The following CNGB3 variants were observed in gnomAD, a reference collection of about 807,000 sequenced individuals.
The protein encoded by CNGB3 is cyclic nucleotide-gated channel beta-3.
CNGB3 carries 86 observed loss-of-function variants against 92.8 expected under a neutral mutation model. The observed-to-expected ratio is 0.93, with a 90% CI of 0.78 to 1.11. The LOEUF (loss-of-function observed/expected upper bound fraction) is 1.11, where lower values mean the gene tolerates loss of function less well. Among genes scored for constraint, CNGB3 ranks in the 50% least tolerant of loss-of-function variants. The pLI is 0.00. For synonymous variants in CNGB3, 333 were observed against 332.7 expected (o/e 1.00, Z -0.01); for missense variants, 1,026 against 956.8 (o/e 1.07, Z -0.95).
At chr8:86,632,235 TAAGTGCC>T (rs1822977497) in intron 11 of CNGB3, among the ~76,000 whole-genome samples, 1 of 151,524 alleles carries the variant, frequency 6.6e-6, no homozygotes, top group Admixed American at 6.6e-5. Context: ...CTATCCTTTG[TAAGTGCC>T]AACTATCTTC....
intron 3 of CNGB3, among the ~76,000 whole-genome samples, chr8:86,718,276 T>A (rs540714752): frequency 6.1e-4 from 93 of 152,198 alleles, no homozygotes; most frequent in African/African-American, 2.2e-3. Context: ...ATTAGTGAGA[T>A]GAACCAAGAA....
At chr8:86,670,389 G>C (rs73273332) in intron 4 of CNGB3, among the ~76,000 whole-genome samples, 10,876 of 152,166 alleles carry the variant, frequency 0.071, 1,264 homozygotes, top group African/African-American at 0.24. Context: ...CCTGTAGGAG[G>C]CTTCCCTGCA....
At chr8:86,676,966 AAATCAGAACAGTATG>A (rs1823983584) in intron 3 of CNGB3, among the ~76,000 whole-genome samples, 1 of 152,216 alleles carries the variant, frequency 6.6e-6, no homozygotes, top group African/African-American at 2.4e-5. Context: ...GATGATGAAT[AAATCAGAACAGTATG>A]AATTTTTTTT....
At chr8:86,588,651 C>T (rs1247683798) in intron 15 of CNGB3, among the ~76,000 whole-genome samples, 187 of 149,188 alleles carry the variant, frequency 1.3e-3, no homozygotes, top group African/African-American at 4.6e-3. Flanking sequence ...TATTGATTTG[C>T]ATATATTGAA....
chr8:86,632,339 A>G (rs141026976), intron 11 of CNGB3, among the ~76,000 whole-genome samples: 1 of 152,298 alleles, frequency 6.6e-6, no homozygotes, highest in East Asian at 1.9e-4. Context: ...ACATTTGTGA[A>G]ACAATAACTT....
In CNGB3 at chr8:86,726,568, G is replaced by A. The variant is rs1554618404; in HGVS notation, c.301C>T (p.Gln101Ter). 1.2e-6 allele frequency: 2 copies of A among 1,613,754 alleles called. No homozygotes were observed. The highest frequency in any genetic ancestry group is 1.7e-6 in the Non-Finnish European group (2 of 1,179,784). ...TCTTTCCCGGGGTCCATTTCCTTCTGCTCTGGCACTGTTCCAGTTGGTTCT... is the reference window on the plus strand; with the variant it reads ...TCTTTCCCGGGGTCCATTTCCTTCTACTCTGGCACTGTTCCAGTTGGTTCT... ...AAEPTGTVPE[Q>*]KEMDPGKEGP... Residue 101 changes from glutamine (Q) to a stop codon, truncating the protein, a stop_gained, in exon 3 of 18, where the codon CAG (glutamine) becomes TAG (stop). Coordinates refer to ENST00000320005, the MANE Select transcript of CNGB3 (RefSeq NM_019098.5). LOFTEE classifies it high-confidence loss of function.
At chr8:86,640,462 C>A (rs1823159620) in intron 10 of CNGB3, among the ~76,000 whole-genome samples, 1 of 152,004 alleles carries the variant, frequency 6.6e-6, no homozygotes, top group Admixed American at 6.6e-5. Flanking sequence ...CCCAAACTAG[C>A]CAGTTTTATC....
At chr8:86,713,941 C>A (rs1824797968) in intron 3 of CNGB3, among the ~76,000 whole-genome samples, 1 of 152,130 alleles carries the variant, frequency 6.6e-6, no homozygotes, top group African/African-American at 2.4e-5. Context: ...TGATCCCACC[C>A]TTGCATAACC....
chr8:86,644,970 T>G (rs938209886), intron 8 of CNGB3, among the ~76,000 whole-genome samples: 11 of 151,146 alleles, frequency 7.3e-5, no homozygotes, highest in African/African-American at 2.7e-4. Flanking sequence ...TTGTTTTCCT[T>G]TTTGTTTTGA....
At chr8:86,672,256 G>A (rs1422095648) in intron 3 of CNGB3, among the ~76,000 whole-genome samples, 6 of 152,038 alleles carry the variant, frequency 3.9e-5, no homozygotes, top group South Asian at 2.1e-4. Context: ...ATGCCACCAC[G>A]CCTAGCTAAT....
At position 86,579,167 on chromosome 8, in the gene CNGB3, T is replaced by C; in HGVS notation, c.1867A>G (p.Thr623Ala). Residue 623 changes from threonine (T) to alanine (A), a missense_variant, in exon 16 of 18, where the codon ACC (threonine) becomes GCC (alanine). Physicochemically the swap from Thr to Ala is moderately conservative, Grantham distance 58. Transcript: ENST00000320005. ...FANLLTLDKK[T>A]LQEILVHYPD... ...TAATGCACTAGAATTTCTTGGAGGG[T>C]CTTTTTGTCTAGAGTTAAAAGATTG... is the stretch of plus-strand genomic sequence containing the variant. 1 of 1,614,154 alleles carries C rather than the reference T, an allele frequency of 6.2e-7. No individual in the cohort carries two copies. Among genetic ancestry groups the C allele is most frequent in the Non-Finnish European group, 8.5e-7 (1 of 1,180,036 alleles).
chr8:86,575,686 T>G lies in CNGB3; in HGVS notation c.*118A>C. ...TAAGTCCTAGAAACTAAGCTAGGGA[T>G]TTGCCTTTCGTTTCTCAAGGGTCCC... is the stretch of plus-strand genomic sequence containing the variant. On this transcript the variant is annotated 3_prime_UTR_variant, in exon 18 of 18. Transcript: ENST00000320005. 1.3e-6 allele frequency: 1 copy of G among 798,646 alleles called. No individual in the cohort carries two copies. Among genetic ancestry groups the G allele is most frequent in the Non-Finnish European group, 2.0e-6 (1 of 492,698 alleles). The allele number at this position is 798,646 out of a possible 1,614,324, so 49.5% of individuals were successfully genotyped here. A position where few individuals can be genotyped will look rare whatever the true frequency, so the allele number is the denominator to read the frequency against.
intron 3 of CNGB3, chr8:86,704,365 T>G (rs1436183792): frequency 6.6e-6 from 1 of 152,130 alleles, no homozygotes; most frequent in Non-Finnish European, 1.5e-5. Context: ...CAGGGATAAG[T>G]GGTACCACAG....
chr8:86,660,513 C>T (rs939956980), intron 6 of CNGB3: 1 of 532,248 alleles, frequency 1.9e-6, no homozygotes, highest in East Asian at 5.4e-5. Flanking sequence ...GCAGCATGTC[C>T]AGAGGGACGA....
chr8:86,606,008 A>G (rs1157633265), intron 14 of CNGB3, among the ~76,000 whole-genome samples: 2 of 152,216 alleles, frequency 1.3e-5, no homozygotes, highest in African/African-American at 4.8e-5. Flanking sequence ...TGGCTTAGCC[A>G]ATTAGCTAAA....
At chr8:86,729,116 G>T (rs1404660725) in intron 2 of CNGB3, among the ~76,000 whole-genome samples, 1 of 152,106 alleles carries the variant, frequency 6.6e-6, no homozygotes, top group Non-Finnish European at 1.5e-5. Context: ...TTGCCATGTT[G>T]TGCAGGCTGG....
In CNGB3 at chr8:86,576,073, T is replaced by G; in HGVS notation, c.2161A>C (p.Lys721Gln). ...TCTTTTTGTTTATCTTCATTTTCTT[T>G]TTGTTTATCTTCATTTTCTTTTCCT... ...EEGKENEDKQ[K>Q]ENEDKQKENE... is the part of the protein sequence containing the mutation. The change falls in exon 18 of 18, where the codon AAA (lysine) becomes CAA (glutamine). Residue 721 changes from lysine (K) to glutamine (Q), a missense_variant. Physicochemically the swap from Lys to Gln is moderately conservative, Grantham distance 53. Coordinates refer to ENST00000320005, the MANE Select transcript of CNGB3 (RefSeq NM_019098.5). 1 of 1,602,848 alleles carries G rather than the reference T, an allele frequency of 6.2e-7. No individual in the cohort carries two copies. Among genetic ancestry groups the G allele is most frequent in the South Asian group, 1.1e-5 (1 of 88,774 alleles).
In CNGB3 at chr8:86,654,050, C is replaced by T. The variant is rs778936684; in HGVS notation, c.865G>A (p.Glu289Lys). 1.3e-6 allele frequency: 2 copies of T among 1,593,462 alleles called. No individual in the cohort carries two copies. The highest frequency in any genetic ancestry group is 1.7e-6 in the Non-Finnish European group (2 of 1,161,656). Residue 289 changes from glutamate to lysine, a missense_variant, in exon 7 of 18, where the codon GAG (glutamate) becomes AAG (lysine). Physicochemically the swap from Glu to Lys is moderately conservative, Grantham distance 56. Transcript: ENST00000320005. ...GAAGTCCTGTAGTGTTTCCTTAGCTCATTTGAATCCACCTGAAAGATATTT... is the reference window on the plus strand; with the variant it reads ...GAAGTCCTGTAGTGTTTCCTTAGCTTATTTGAATCCACCTGAAAGATATTT... ...RGGDIIVDSN[E>K]LRKHYRTSTK...
chr8:86,689,579 T>C (rs764488219), intron 3 of CNGB3, among the ~76,000 whole-genome samples: 1 of 152,058 alleles, frequency 6.6e-6, no homozygotes, highest in South Asian at 2.1e-4. Context: ...TTTTTTATTA[T>C]ACTGTAAGTT....
Sources: allele counts gnomAD v4.1 joint callset (sites outside exome capture counted in the v4.1 genomes callset), GRCh38; gene constraint gnomAD v4.1.1; transcripts MANE v1.5; gene names NCBI Gene and HGNC (gene_info 2026-07-23, HGNC 2026-07-21).